Variants in MRPL34 observed in about 807,000 individuals in gnomAD.
MRPL34 encodes the protein large ribosomal subunit protein bL34m.
Under a neutral mutation model 6.7 loss-of-function variants are expected in MRPL34, and 8 were observed. The observed-to-expected ratio is 1.20, with a 90% CI of 0.70 to 2.16. MRPL34 has a LOEUF of 2.16. MRPL34 is among the 30% of genes most tolerant of loss of function. The probability of loss-of-function intolerance (pLI) is 0.00; values close to 1 mark genes in which losing one functional copy is unlikely to be tolerated. For missense variants in MRPL34, 146 were observed against 125.5 expected, an observed-to-expected ratio of 1.16 and a Z score of -0.78; for synonymous variants, 59 against 55.1, an observed-to-expected ratio of 1.07 and a Z score of -0.31.
chr19:17,301,339 T>A, upstream of MRPL34: 3 of 1,609,042 alleles, frequency 1.9e-6, no homozygotes, highest in Non-Finnish European at 2.5e-6. Context: ...GCCCAGGTTT[T>A]CCACCAGCAA....
chr19:17,298,735 C>CTTTTTTTTTT (rs34731394), upstream of MRPL34, among the ~76,000 whole-genome samples: 1 of 70,422 alleles, frequency 1.4e-5, no homozygotes, highest in Non-Finnish European at 2.5e-5. Context: ...AACAACACTG[C>CTTTTTTTTTT]TTTTTTTTTT....
At chr19:17,294,613 C>T in intron 1 of MRPL34, 1 of 1,607,398 alleles carries the variant, frequency 6.2e-7, no homozygotes, top group Non-Finnish European at 8.5e-7. Context: ...TCCCATCCAA[C>T]TCGAGCAGAT....
upstream of MRPL34, chr19:17,305,702 T>G (rs998560834): frequency 4.5e-6 from 3 of 661,550 alleles, no homozygotes; most frequent in African/African-American, 5.4e-5. Context: ...AGAGCATCCC[T>G]GTGCCCCGCG....
chr19:17,301,243 G>C (rs751059861), upstream of MRPL34: 3 of 1,593,956 alleles, frequency 1.9e-6, no homozygotes, highest in African/African-American at 2.7e-5. Context: ...ATCGCTGCCC[G>C]CCGGATCTGC....
chr19:17,306,034 C>T (rs1279440488), intron 1 of MRPL34, 77 bp downstream of exon 1: 1 of 1,569,914 alleles, frequency 6.4e-7, no homozygotes, highest in East Asian at 2.2e-5. Flanking sequence ...CTTCACTGCC[C>T]GCGTGACCTG....
intron 1 of MRPL34, chr19:17,292,867 AAG>A (rs1035848497): frequency 7.5e-6 from 12 of 1,595,562 alleles, no homozygotes; most frequent in Non-Finnish European, 8.6e-6. Flanking sequence ...AGGCGGGGGC[AAG>A]AGGGTGGAGA....
upstream of MRPL34, among the ~76,000 whole-genome samples, chr19:17,303,926 A>G (rs966880442): frequency 2.6e-5 from 4 of 151,876 alleles, no homozygotes; most frequent in Non-Finnish European, 5.9e-5. Flanking sequence ...GTGATTCCAA[A>G]CCCTGGGAAC....
intron 1 of MRPL34, chr19:17,294,302 G>T: frequency 6.2e-7 from 1 of 1,606,500 alleles, no homozygotes; most frequent in Non-Finnish European, 8.5e-7. Context: ...GCCATGCGCT[G>T]GTCTTCCTCC....
In MRPL34 at chr19:17,292,720, CG is replaced by C. The variant is rs1568346241; in HGVS notation, c.83del (p.Gly28AlafsTer12). ...TCCGGTAGAGCCTTGGGCGAGGGCT[CG>C]GGCTCCCAGAGCAGGAATTCGTGGA... On this transcript the variant is annotated frameshift_variant, in exon 1 of 3. Coordinates refer to the MRPL34 transcript ENST00000595444. LOFTEE classifies it high-confidence loss of function. The C allele has an allele frequency of 1.2e-6, 2 of 1,613,584 alleles. No homozygotes were observed. Among genetic ancestry groups the C allele is most frequent in the Admixed American group, 1.7e-5 (1 of 59,982 alleles).
intron 1 of MRPL34, among the ~76,000 whole-genome samples, chr19:17,295,208 C>A (rs2074088610): frequency 6.6e-6 from 1 of 150,984 alleles, no homozygotes; most frequent in Non-Finnish European, 1.5e-5. Flanking sequence ...CGGGTTCACG[C>A]CATTCTCCTG....
Position 17,306,616 on chromosome 19 carries a change from C to G in MRPL34, c.*237C>G. 1 of 414,054 alleles carries G rather than the reference C, an allele frequency of 2.4e-6. No individual in the cohort carries two copies. Among genetic ancestry groups the G allele is most frequent in the East Asian group, 4.4e-5 (1 of 22,818 alleles). 25.6% of individuals were successfully genotyped at this position (414,054 alleles called of 1,614,324 possible). On this transcript the variant is annotated 3_prime_UTR_variant, in exon 2 of 2. Transcript: ENST00000252602. ...GAACAGTACAAAGAACATCCGTGTACCCAGTACCCTGACTACCGACTACCT... is the reference window on the plus strand; with the variant it reads ...GAACAGTACAAAGAACATCCGTGTAGCCAGTACCCTGACTACCGACTACCT...
chr19:17,301,776 T>TG, upstream of MRPL34, among the ~76,000 whole-genome samples: 1 of 147,354 alleles, frequency 6.8e-6, no homozygotes, highest in Non-Finnish European at 1.5e-5. Context: ...ATTTTTTTGT[T>TG]TGTGTGTGTG....
At chr19:17,298,735 C>CTTTTT (rs34731394), upstream of MRPL34, among the ~76,000 whole-genome samples, 250 of 70,472 alleles carry the variant, frequency 3.5e-3, 6 homozygotes, top group African/African-American at 0.013. Context: ...AACAACACTG[C>CTTTTT]TTTTTTTTTT....
At chr19:17,306,130 C>G in intron 1 of MRPL34, 36 bp from the exon 2 acceptor site, 1 of 1,495,856 alleles carries the variant, frequency 6.7e-7, no homozygotes, top group South Asian at 1.3e-5. Flanking sequence ...CCCAGCGCCC[C>G]GTCTGACCTT....
At chr19:17,295,954 T>TTC (rs1354372892) in intron 1 of MRPL34, among the ~76,000 whole-genome samples, 2 of 151,812 alleles carry the variant, frequency 1.3e-5, no homozygotes, top group Admixed American at 6.6e-5. Flanking sequence ...CAAGTGATCC[T>TTC]CTGGCCTTAA....
At chr19:17,294,138 C>G (rs1010880548) in intron 1 of MRPL34, 2 of 909,304 alleles carry the variant, frequency 2.2e-6, no homozygotes, top group Non-Finnish European at 3.3e-6. Flanking sequence ...CAAGATACAG[C>G]AACTAGAGGC....
At chr19:17,301,607 C>G (rs919856528), upstream of MRPL34, 4 of 1,551,294 alleles carry the variant, frequency 2.6e-6, no homozygotes, top group Admixed American at 1.8e-5. Flanking sequence ...TCGGTCACCC[C>G]GGTCAGCATG....
At chr19:17,301,060 C>G, upstream of MRPL34, 1 of 1,613,584 alleles carries the variant, frequency 6.2e-7, no homozygotes, top group Non-Finnish European at 8.5e-7. Flanking sequence ...GGCCAGGGAA[C>G]CGCCGACACC....
Position 17,306,470 on chromosome 19 carries a change from A to C in MRPL34, c.*91A>C, listed in dbSNP as rs1407461949. The C allele has an allele frequency of 4.9e-6, 6 of 1,231,432 alleles. No homozygotes were observed. The highest frequency in any genetic ancestry group is 1.5e-5 in the African/African-American group (1 of 65,426). 76.3% of individuals were successfully genotyped at this position (1,231,432 alleles called of 1,614,324 possible). ...CTATTTTTGCAGGGAGCTGGGGAGC[A>C]GGAACGCCTCGGACCTGAGTGCTCT... On this transcript the variant is annotated 3_prime_UTR_variant, in exon 2 of 2. Coordinates refer to ENST00000252602, the MANE Select transcript of MRPL34 (RefSeq NM_023937.4).
Sources: gnomAD v4.1 joint callset for allele counts (sites outside exome capture counted in the v4.1 genomes callset) on GRCh38, gnomAD v4.1.1 for gene constraint, MANE v1.5 for transcripts, NCBI Gene and HGNC (gene_info 2026-07-23, HGNC 2026-07-21) for gene names.